BTBD9: variants seen among roughly 807,000 people sequenced by gnomAD.
BTBD9 encodes the protein BTB domain containing 9.
A neutral mutation model predicts 64.3 loss-of-function variants in BTBD9; 49 were observed. The ratio of observed to expected loss-of-function variants is 0.76; its 90% confidence interval spans 0.61 to 0.97. The LOEUF is 0.97. BTBD9 is among the 50% of genes least tolerant of loss of function. BTBD9 has a pLI of 0.00. For synonymous variants in BTBD9, 260 were observed against 274.7 expected (o/e 0.95, Z 0.53); for missense variants, 598 against 762.1 (o/e 0.78, Z 2.53).
intron 8 of BTBD9, among the ~76,000 whole-genome samples, chr6:38,266,067 GA>G (rs540875615): frequency 6.6e-6 from 1 of 151,490 alleles, no homozygotes; most frequent in Non-Finnish European, 1.5e-5. Flanking sequence ...ATCACATTTG[GA>G]AAAAAAACAA....
intron 8 of BTBD9, among the ~76,000 whole-genome samples, chr6:38,269,679 C>T (rs1477596784): frequency 6.6e-6 from 1 of 152,094 alleles, no homozygotes; most frequent in Non-Finnish European, 1.5e-5. Flanking sequence ...GCAGTTCTCC[C>T]CACTGCTGCA....
At chr6:38,433,101 C>T (rs879455352) in intron 6 of BTBD9, among the ~76,000 whole-genome samples, 2 of 152,016 alleles carry the variant, frequency 1.3e-5, no homozygotes, top group Non-Finnish European at 2.9e-5. Context: ...CATACTACCA[C>T]TTGCACTAGC....
chr6:38,362,833 T>C (rs1046381294), intron 6 of BTBD9, among the ~76,000 whole-genome samples: 1 of 152,116 alleles, frequency 6.6e-6, no homozygotes, highest in South Asian at 2.1e-4. Context: ...AACCATGATA[T>C]GATGGCAGAG....
chr6:38,525,289 G>A (rs115835017), intron 6 of BTBD9, among the ~76,000 whole-genome samples: 2,249 of 152,224 alleles, frequency 0.015, 41 homozygotes, highest in African/African-American at 0.05. Context: ...TGTAAAGAAG[G>A]TGCCTGCTTC....
At chr6:38,393,792 T>C (rs968536328) in intron 6 of BTBD9, among the ~76,000 whole-genome samples, 1 of 152,226 alleles carries the variant, frequency 6.6e-6, no homozygotes, top group African/African-American at 2.4e-5. Context: ...ATTTTTGACA[T>C]AATCAGATTT....
intron 6 of BTBD9, among the ~76,000 whole-genome samples, chr6:38,413,139 T>C (rs2127262108): frequency 6.6e-6 from 1 of 152,306 alleles, no homozygotes; most frequent in South Asian, 2.1e-4. Context: ...TTCTTTTTTC[T>C]TAACTATGCC....
At chr6:38,501,648 G>A (rs1016939453) in intron 6 of BTBD9, among the ~76,000 whole-genome samples, 1 of 152,094 alleles carries the variant, frequency 6.6e-6, no homozygotes, top group African/African-American at 2.4e-5. Context: ...GACCCTTCTG[G>A]GAGGTCTGTG....
intron 7 of BTBD9, among the ~76,000 whole-genome samples, chr6:38,308,496 C>T (rs979197698): frequency 6.6e-6 from 1 of 152,182 alleles, no homozygotes; most frequent in African/African-American, 2.4e-5. Context: ...TAAAGGGCAT[C>T]TTTTTCTGTG....
At chr6:38,192,442 T>A in intron 10 of BTBD9, 77 bp downstream of exon 10, 2 of 1,360,476 alleles carry the variant, frequency 1.5e-6, no homozygotes, top group South Asian at 2.4e-5. Flanking sequence ...AACAAACAAT[T>A]CCACTTAACT....
intron 6 of BTBD9, among the ~76,000 whole-genome samples, chr6:38,377,147 C>T (rs546088342): frequency 6.6e-6 from 1 of 152,286 alleles, no homozygotes; most frequent in East Asian, 1.9e-4. Context: ...ATTCAAAGTG[C>T]TACCAGTCGA....
chr6:38,350,111 CT>C (rs923935759), intron 6 of BTBD9, among the ~76,000 whole-genome samples: 8 of 152,074 alleles, frequency 5.3e-5, no homozygotes, highest in Non-Finnish European at 1.2e-4. Flanking sequence ...TGACGTGGTT[CT>C]TTTTTTGTAA....
intron 6 of BTBD9, among the ~76,000 whole-genome samples, chr6:38,443,646 CTT>C (rs1162661693): frequency 2.6e-5 from 4 of 152,186 alleles, no homozygotes; most frequent in African/African-American, 4.8e-5. Context: ...CTCTCTCTCT[CTT>C]TCTCTCGCTC....
At chr6:38,498,089 C>T (rs1269355735) in intron 6 of BTBD9, among the ~76,000 whole-genome samples, 1 of 152,174 alleles carries the variant, frequency 6.6e-6, no homozygotes, top group Non-Finnish European at 1.5e-5. Context: ...GAATTTCCAG[C>T]ACAACCAACA....
chr6:38,499,378 G>A (rs1020465074), intron 6 of BTBD9, among the ~76,000 whole-genome samples: 13 of 152,040 alleles, frequency 8.6e-5, no homozygotes, highest in African/African-American at 3.1e-4. Context: ...TACTAATCCA[G>A]CTACTCCTAA....
intron 9 of BTBD9, among the ~76,000 whole-genome samples, chr6:38,221,503 A>G (rs1415794980): frequency 1.3e-5 from 2 of 152,112 alleles, no homozygotes; most frequent in Non-Finnish European, 2.9e-5. Context: ...CCTGCCCACA[A>G]AATGTCACAG....
chr6:38,481,803 A>T (rs1302218187), intron 6 of BTBD9: 1 of 152,286 alleles, frequency 6.6e-6, no homozygotes, highest in Non-Finnish European at 1.5e-5. Context: ...AAGCTTCTTT[A>T]TTCAGGTGGT....
chr6:38,376,314 C>A (rs538909678), intron 6 of BTBD9, among the ~76,000 whole-genome samples: 1 of 152,138 alleles, frequency 6.6e-6, no homozygotes, highest in South Asian at 2.1e-4. Flanking sequence ...ACAAATAATG[C>A]TGAAGAGTAT....
chr6:38,613,102 T>C (rs1777665872), intron 1 of BTBD9: 1 of 152,244 alleles, frequency 6.6e-6, no homozygotes. Context: ...TTTTATTGAG[T>C]AGTTGTCAAA....
chr6:38,253,821 G>A (rs142041536), intron 9 of BTBD9, among the ~76,000 whole-genome samples: 49 of 151,994 alleles, frequency 3.2e-4, no homozygotes, highest in East Asian at 1.5e-3. Context: ...ATCTAGCTCG[G>A]TACAGTCCTC....
Sources: allele counts gnomAD v4.1 joint callset (sites outside exome capture counted in the v4.1 genomes callset), GRCh38; gene constraint gnomAD v4.1.1; transcripts MANE v1.5; gene names NCBI Gene and HGNC (gene_info 2026-07-23, HGNC 2026-07-21).